The following MAP2K4 variants were observed in gnomAD, a reference collection of about 807,000 sequenced individuals.
MAP2K4 encodes the protein mitogen-activated protein kinase kinase 4, also known as dual specificity mitogen-activated protein kinase kinase 4.
MAP2K4 carries 4 observed loss-of-function variants against 48.5 expected under a neutral mutation model. The observed-to-expected ratio is 0.08, with a 90% confidence interval of 0.04 to 0.19. The LOEUF is 0.19. Ranked by LOEUF, MAP2K4 falls within the 10% of genes least tolerant of loss-of-function variation. MAP2K4 has a pLI of 1.00. For synonymous variants in MAP2K4, 166 were observed against 173.1 expected, an observed-to-expected ratio of 0.96 and a Z score of 0.32; for missense variants, 258 against 493.3, an observed-to-expected ratio of 0.52 and a Z score of 4.52.
At chr17:12,043,256 T>C (rs1969852300) in intron 1 of MAP2K4, among the ~76,000 whole-genome samples, 2 of 152,248 alleles carry the variant, frequency 1.3e-5, no homozygotes, top group African/African-American at 4.8e-5. Flanking sequence ...TGTTTATGTA[T>C]TTGGATAGTT....
At chr17:12,050,788 A>G (rs149212355) in intron 1 of MAP2K4, among the ~76,000 whole-genome samples, 3 of 152,326 alleles carry the variant, frequency 2.0e-5, no homozygotes, top group East Asian at 3.9e-4. Flanking sequence ...TCTTCCCTCC[A>G]ACTTCAATAT....
intron 5 of MAP2K4, among the ~76,000 whole-genome samples, chr17:12,109,107 T>C (rs1319622563): frequency 6.6e-6 from 1 of 152,186 alleles, no homozygotes; most frequent in Non-Finnish European, 1.5e-5. Flanking sequence ...TTTTTATGAA[T>C]GATAAATCTG....
intron 1 of MAP2K4, among the ~76,000 whole-genome samples, chr17:12,034,009 T>A (rs568837747): frequency 6.6e-6 from 1 of 152,260 alleles, no homozygotes; most frequent in South Asian, 2.1e-4. Flanking sequence ...CAGGCTGGTC[T>A]CGAACTCCTG....
At chr17:12,043,765 A>C (rs1969870627) in intron 1 of MAP2K4, among the ~76,000 whole-genome samples, 1 of 152,134 alleles carries the variant, frequency 6.6e-6, no homozygotes, top group Non-Finnish European at 1.5e-5. Flanking sequence ...CTTTCCGTGC[A>C]CACTATCCTT....
intron 1 of MAP2K4, among the ~76,000 whole-genome samples, chr17:12,021,804 T>TCAAAGTGA (rs1969079312): frequency 6.8e-6 from 1 of 147,540 alleles, no homozygotes; most frequent in African/African-American, 2.5e-5. Flanking sequence ...TAGACAGGGG[T>TCAAAGTGA]CAAAGTGATA....
At chr17:12,036,272 C>T (rs1969595801) in intron 1 of MAP2K4, among the ~76,000 whole-genome samples, 2 of 151,974 alleles carry the variant, frequency 1.3e-5, no homozygotes, top group South Asian at 2.1e-4. Context: ...AAATATTTTT[C>T]CATTTGTAAA....
At chr17:12,025,068 C>T (rs979465154) in intron 1 of MAP2K4, among the ~76,000 whole-genome samples, 1 of 152,186 alleles carries the variant, frequency 6.6e-6, no homozygotes, top group Non-Finnish European at 1.5e-5. Flanking sequence ...CAGGATGATT[C>T]CTTTTCCAGT....
At chr17:12,082,131 A>G (rs927803539) in intron 3 of MAP2K4, 1 of 261,972 alleles carries the variant, frequency 3.8e-6, no homozygotes, top group African/African-American at 2.2e-5. Context: ...CGTGCCACTT[A>G]ATATGTTCAT....
At chr17:12,062,367 G>C (rs1970476415) in intron 2 of MAP2K4, among the ~76,000 whole-genome samples, 1 of 152,084 alleles carries the variant, frequency 6.6e-6, no homozygotes, top group South Asian at 2.1e-4. Flanking sequence ...ACAGGATCTT[G>C]CTCTGTTGCC....
At chr17:12,127,957 T>A (rs1161245591) in intron 8 of MAP2K4, among the ~76,000 whole-genome samples, 1 of 152,254 alleles carries the variant, frequency 6.6e-6, no homozygotes, top group African/African-American at 2.4e-5. Context: ...TCTTCCTCTG[T>A]AATATGTTTG....
At chr17:12,098,987 A>T (rs1165004277) in intron 4 of MAP2K4, among the ~76,000 whole-genome samples, 1 of 152,026 alleles carries the variant, frequency 6.6e-6, no homozygotes, top group African/African-American at 2.4e-5. Context: ...TTTTTAGTGT[A>T]TCCATCACCC....
At chr17:12,087,970 C>T (rs1010655119) in intron 3 of MAP2K4, among the ~76,000 whole-genome samples, 2 of 152,074 alleles carry the variant, frequency 1.3e-5, no homozygotes, top group Non-Finnish European at 2.9e-5. Flanking sequence ...TAAGGAGGAA[C>T]TCGTACCACA....
chr17:12,133,384 G>A (rs181859972), intron 9 of MAP2K4, among the ~76,000 whole-genome samples: 3 of 152,240 alleles, frequency 2.0e-5, no homozygotes, highest in Admixed American at 2.0e-4. Flanking sequence ...GCCAGGCTGG[G>A]AAGTTTAATT....
intron 1 of MAP2K4, among the ~76,000 whole-genome samples, chr17:12,037,497 T>C (rs1969637908): frequency 6.6e-6 from 1 of 152,186 alleles, no homozygotes; most frequent in Admixed American, 6.5e-5. Flanking sequence ...CCTCGTTTTA[T>C]GTAGCAAAAG....
chr17:12,027,151 C>T (rs540445508), intron 1 of MAP2K4, among the ~76,000 whole-genome samples: 139 of 152,212 alleles, frequency 9.1e-4, no homozygotes, highest in Non-Finnish European at 1.8e-3. Flanking sequence ...TCTTCATGCT[C>T]GGTAAGGTTG....
At chr17:12,125,129 T>A in intron 7 of MAP2K4, 165 bp from the exon 8 acceptor site, 1 of 590,060 alleles carries the variant, frequency 1.7e-6, no homozygotes, top group South Asian at 2.1e-5. Context: ...TTTTGTTGTT[T>A]GTTTTTATGA....
intron 1 of MAP2K4, among the ~76,000 whole-genome samples, chr17:12,024,185 A>ATT (rs1969184653): frequency 6.6e-6 from 1 of 152,170 alleles, no homozygotes; most frequent in Non-Finnish European, 1.5e-5. Context: ...AGGACTCTCA[A>ATT]ATGAATTACA....
chr17:12,121,814 A>G lies in MAP2K4; in HGVS notation c.814-3480A>G, dbSNP rs570286205. ...TGTTTTTTATTGCATAACATTGCAA[A>G]GCACATAATGGTTACTATTTGTAAT... On this transcript the variant is annotated intron_variant, in intron 7 of 10. Coordinates refer to ENST00000353533, the MANE Select transcript of MAP2K4 (RefSeq NM_003010.4). 3.9e-5 allele frequency among the ~76,000 whole-genome samples: 6 copies of G among 152,322 alleles called. No individual in the cohort carries two copies. In the South Asian group the frequency reaches 1.2e-3, roughly 32 times the overall value.
At position 12,143,381 on chromosome 17, in the gene MAP2K4, C is replaced by T. The variant is rs1973437308; in HGVS notation, c.*2121C>T. On this transcript the variant is annotated 3_prime_UTR_variant, in exon 11 of 11. Coordinates refer to ENST00000353533, the MANE Select transcript of MAP2K4 (RefSeq NM_003010.4). ...TTATTATAAACTATAAACTTAAGGG[C>T]AAGGAGTTTATTACAATGTATCTTT... The T allele has an allele frequency of 3.9e-5, 9 of 232,664 alleles. No individual in the cohort carries two copies. Among genetic ancestry groups the T allele is most frequent in the Admixed American group, 3.4e-4 (6 of 17,746 alleles). 14.4% of individuals were successfully genotyped at this position (232,664 alleles called of 1,614,324 possible).
Sources: allele counts gnomAD v4.1 joint callset (sites outside exome capture counted in the v4.1 genomes callset), GRCh38; gene constraint gnomAD v4.1.1; transcripts MANE v1.5; gene names NCBI Gene and HGNC (gene_info 2026-07-23, HGNC 2026-07-21).